Variants in ANO4 observed in about 807,000 individuals in gnomAD.
ANO4 encodes the protein anoctamin 4.
In ANO4, 69 loss-of-function variants were observed where a neutral mutation model predicts 141.9. The ratio of observed to expected loss-of-function variants is 0.49; its 90% CI spans 0.40 to 0.59. The LOEUF is 0.59. ANO4 is among the 20% of genes least tolerant of loss of function. The probability of loss-of-function intolerance (pLI) is 0.00; values close to 1 mark genes in which losing one functional copy is unlikely to be tolerated. For synonymous variants in ANO4, 350 were observed against 394.3 expected (o/e 0.89, Z 1.33); for missense variants, 894 against 1,162.2 (o/e 0.77, Z 3.36).
chr12:101,005,414 G>T (rs1001156274), intron 8 of ANO4, among the ~76,000 whole-genome samples: 1 of 152,110 alleles, frequency 6.6e-6, no homozygotes, highest in East Asian at 1.9e-4. Flanking sequence ...TCTCAGTTGA[G>T]TCTGCATCAA....
At position 101,127,901 on chromosome 12, in the gene ANO4, A is replaced by C. The variant is rs533177001; in HGVS notation, c.*45A>C. 1 of 152,714 alleles carries C rather than the reference A, an allele frequency of 6.5e-6. No homozygotes were observed. The highest frequency in any genetic ancestry group is 1.5e-5 in the Non-Finnish European group (1 of 68,026). 9.5% of individuals were successfully genotyped at this position (152,714 alleles called of 1,614,324 possible). On this transcript the variant is annotated 3_prime_UTR_variant, in exon 28 of 28. Transcript: ENST00000392977. ...CAGGCCAAGGACCTGAATTCTGTTT[A>C]CTTCTTCTGGCTGTGCAAAAGCACA...
chr12:100,794,331 C>G (rs1399762516), upstream of ANO4, among the ~76,000 whole-genome samples: 1 of 152,206 alleles, frequency 6.6e-6, no homozygotes, highest in Non-Finnish European at 1.5e-5. Context: ...GACTTCAAGT[C>G]TGGCTTCTTG....
At chr12:100,831,280 C>G (rs539347328) in intron 1 of ANO4, among the ~76,000 whole-genome samples, 1 of 152,038 alleles carries the variant, frequency 6.6e-6, no homozygotes. Context: ...TTGACACTTG[C>G]GTATTGTGCA....
At chr12:101,026,995 A>T (rs2046766178) in intron 9 of ANO4, among the ~76,000 whole-genome samples, 1 of 152,194 alleles carries the variant, frequency 6.6e-6, no homozygotes, top group African/African-American at 2.4e-5. Flanking sequence ...CATCAAAAAG[A>T]ACCATCATTA....
intron 1 of ANO4, among the ~76,000 whole-genome samples, chr12:100,881,760 A>T (rs530476993): frequency 1.0e-3 from 156 of 152,348 alleles, no homozygotes; most frequent in Non-Finnish European, 1.5e-3. Flanking sequence ...AAACACAATT[A>T]TGTAAAAGAG....
At chr12:100,841,392 T>C (rs73157595) in intron 1 of ANO4, among the ~76,000 whole-genome samples, 1,872 of 152,284 alleles carry the variant, frequency 0.012, 14 homozygotes, top group Non-Finnish European at 0.022. Flanking sequence ...GATAAGGTAG[T>C]GAATAAGACA....
chr12:101,015,386 AC>A (rs1341910635), intron 8 of ANO4, among the ~76,000 whole-genome samples: 2 of 151,998 alleles, frequency 1.3e-5, no homozygotes, highest in African/African-American at 2.4e-5. Flanking sequence ...ACTGTTTTGA[AC>A]CTTTTCTCCT....
chr12:100,992,428 C>G (rs1048498220), intron 8 of ANO4, among the ~76,000 whole-genome samples: 1 of 152,040 alleles, frequency 6.6e-6, no homozygotes, highest in African/African-American at 2.4e-5. Context: ...TATGTTGTTT[C>G]CTCTCCTGGA....
intron 17 of ANO4, among the ~76,000 whole-genome samples, chr12:101,093,570 G>A (rs1322308024): frequency 3.3e-5 from 5 of 151,916 alleles, no homozygotes; most frequent in Non-Finnish European, 7.4e-5. Context: ...TACCCACTCT[G>A]GGGAATTTCC....
At chr12:101,072,359 G>T (rs779249741) in intron 14 of ANO4, among the ~76,000 whole-genome samples, 4 of 152,052 alleles carry the variant, frequency 2.6e-5, no homozygotes, top group African/African-American at 7.2e-5. Flanking sequence ...TGAGATAAAG[G>T]CTGCAAAAAT....
chr12:100,842,862 A>G (rs1469020978), intron 1 of ANO4, among the ~76,000 whole-genome samples: 1 of 152,112 alleles, frequency 6.6e-6, no homozygotes, highest in Admixed American at 6.6e-5. Flanking sequence ...CCACCTCTTA[A>G]TACTGTTGCA....
chr12:100,867,084 G>A (rs2038788731), intron 1 of ANO4, among the ~76,000 whole-genome samples: 1 of 152,092 alleles, frequency 6.6e-6, no homozygotes, highest in Non-Finnish European at 1.5e-5. Flanking sequence ...GGGAGGTGAG[G>A]GCATGAGTAC....
At chr12:100,824,903 T>C (rs1031962189) in intron 1 of ANO4, among the ~76,000 whole-genome samples, 1 of 152,070 alleles carries the variant, frequency 6.6e-6, no homozygotes, top group Non-Finnish European at 1.5e-5. Context: ...TTTTATTTTT[T>C]AACTTAATTG....
At chr12:101,030,249 CA>C (rs1210810591) in intron 9 of ANO4, among the ~76,000 whole-genome samples, 1 of 151,998 alleles carries the variant, frequency 6.6e-6, no homozygotes, top group South Asian at 2.1e-4. Context: ...TCAGCAAATG[CA>C]AAAAAACTGA....
intron 8 of ANO4, among the ~76,000 whole-genome samples, chr12:101,007,770 A>C (rs1237620408): frequency 6.6e-6 from 1 of 152,138 alleles, no homozygotes; most frequent in Non-Finnish European, 1.5e-5. Flanking sequence ...CACGGGCTGG[A>C]GCACAGCTGC....
At chr12:100,966,396 A>G (rs2043655268) in intron 5 of ANO4, among the ~76,000 whole-genome samples, 2 of 152,210 alleles carry the variant, frequency 1.3e-5, no homozygotes, top group African/African-American at 4.8e-5. Context: ...CAGGGCTGGT[A>G]AGAGGTAGAT....
chr12:100,943,097 T>A (rs2042583270), intron 5 of ANO4, among the ~76,000 whole-genome samples: 2 of 152,146 alleles, frequency 1.3e-5, no homozygotes. Context: ...CTTCCTTCCT[T>A]CTCTGCATGG....
At chr12:100,933,223 A>G (rs1039308224) in intron 3 of ANO4, among the ~76,000 whole-genome samples, 2 of 151,780 alleles carry the variant, frequency 1.3e-5, no homozygotes, top group African/African-American at 2.4e-5. Context: ...GCACCCATCA[A>G]CTCATCATTT....
chr12:100,989,933 G>A (rs1199741226), intron 8 of ANO4, among the ~76,000 whole-genome samples: 1 of 138,430 alleles, frequency 7.2e-6, no homozygotes, highest in African/African-American at 2.7e-5. Flanking sequence ...ACCTGGATAG[G>A]TCACTGAATG....
Sources: allele counts gnomAD v4.1 joint callset (sites outside exome capture counted in the v4.1 genomes callset), GRCh38; gene constraint gnomAD v4.1.1; transcripts MANE v1.5; gene names NCBI Gene and HGNC (gene_info 2026-07-23, HGNC 2026-07-21).